The following PPARG variants were observed in gnomAD, a reference collection of about 807,000 sequenced individuals.
PPARG encodes peroxisome proliferator-activated receptor gamma.
Under a neutral mutation model 39.2 loss-of-function variants are expected in PPARG, and 17 were observed. The ratio of observed to expected loss-of-function variants is 0.43; its 90% CI spans 0.30 to 0.65. The LOEUF is 0.65. Among genes scored for constraint, PPARG ranks in the 30% least tolerant of loss-of-function variants. The pLI is 0.13. For synonymous variants in PPARG, 223 were observed against 215.7 expected (o/e 1.03, Z -0.30); for missense variants, 406 against 585.9 (o/e 0.69, Z 3.17).
At chr3:12,425,874 G>A (rs1372505135) in intron 7 of PPARG, among the ~76,000 whole-genome samples, 1 of 152,172 alleles carries the variant, frequency 6.6e-6, no homozygotes, top group African/African-American at 2.4e-5. Flanking sequence ...GGGTCGGACA[G>A]AAATCTCGGG....
chr3:12,304,218 G>C (rs959580425), intron 1 of PPARG, among the ~76,000 whole-genome samples: 1 of 152,168 alleles, frequency 6.6e-6, no homozygotes, highest in Non-Finnish European at 1.5e-5. Flanking sequence ...TCTTGCCCCC[G>C]TGATGTCATA....
At chr3:12,379,283 G>A (rs1365179614) in intron 2 of PPARG, among the ~76,000 whole-genome samples, 1 of 152,156 alleles carries the variant, frequency 6.6e-6, no homozygotes, top group African/African-American at 2.4e-5. Flanking sequence ...GGGATTACAG[G>A]TGTGAGCCAC....
At chr3:12,330,301 T>TAAAAAA (rs1302998459) in intron 2 of PPARG, among the ~76,000 whole-genome samples, 5 of 114,568 alleles carry the variant, frequency 4.4e-5, no homozygotes, top group African/African-American at 1.3e-4. Flanking sequence ...ACACCTTTTT[T>TAAAAAA]TAAAAAAAAA....
chr3:12,353,261 A>G (rs1269191021), intron 2 of PPARG, among the ~76,000 whole-genome samples: 1 of 152,204 alleles, frequency 6.6e-6, no homozygotes, highest in Non-Finnish European at 1.5e-5. Flanking sequence ...TATATTTTGT[A>G]CCAATAATTT....
chr3:12,351,405 C>G, intron 2 of PPARG: 1 of 633,732 alleles, frequency 1.6e-6, no homozygotes, highest in Non-Finnish European at 2.8e-6. Context: ...CAGTGCCAGC[C>G]AATTCAAGCC....
At chr3:12,320,212 A>G (rs1368819506) in intron 2 of PPARG, among the ~76,000 whole-genome samples, 1 of 152,222 alleles carries the variant, frequency 6.6e-6, no homozygotes, top group Non-Finnish European at 1.5e-5. Context: ...ATTTATGTAT[A>G]TATACGTGCA....
chr3:12,417,016 A>G lies in PPARG; in HGVS notation c.1042A>G (p.Arg348Gly), dbSNP rs2051084711. 1 of 1,613,502 alleles carries G rather than the reference A, an allele frequency of 6.2e-7. No homozygotes were observed. Among genetic ancestry groups the G allele is most frequent in the African/African-American group, 1.3e-5 (1 of 74,856 alleles). The change falls in exon 7 of 8, where the codon AGG becomes GGG. Residue 348 changes from arginine to glycine, a missense_variant. Around this residue, in one of 2 missense-constraint regions of PPARG, gnomAD observed 275 missense variants for 458.0 expected, o/e 0.60. Transcript: ENST00000651735. ...ATCCGAGGGCCAAGGCTTCATGACA[A>G]GGGAGTTTCTAAAGAGCCTGCGAAA... ...LISEGQGFMTREFLKSLRKPF... is the reference protein window; with the variant it reads ...LISEGQGFMTGEFLKSLRKPF...
In PPARG at chr3:12,307,010, A is replaced by C. The variant is rs545554310; in HGVS notation, c.-82-5370A>C. Among the ~76,000 whole-genome samples the C allele has an allele frequency of 2.8e-3, 417 of 147,370 alleles. 3 individuals carry two copies. Among genetic ancestry groups the C allele is most frequent in the African/African-American group, 9.6e-3 (384 of 39,916 alleles). ...CCATTAGGGAGGCTGAGGCAGGAGA[A>C]TGGCGTGAACCCGGGAGGCAGAGAT... On this transcript the variant is annotated intron_variant, in intron 1 of 7. Coordinates refer to ENST00000651735, the MANE Select transcript of PPARG (RefSeq NM_138711.6).
At chr3:12,289,264 T>C (rs911252642) in intron 1 of PPARG, 130 bp downstream of exon 1, 2 of 152,198 alleles carry the variant, frequency 1.3e-5, no homozygotes, top group Admixed American at 6.5e-5. Flanking sequence ...AGAATCCAAT[T>C]CACTTGGGTC....
In PPARG at chr3:12,335,020, A is replaced by C. The variant is rs867291651; in HGVS notation, c.-9+22567A>C. On this transcript the variant is annotated intron_variant, in intron 2 of 7. Transcript: ENST00000651735. ...CCCATCATAATGGATCCAGATTGCA[A>C]AATTGGGAGTAATAGAAATTACTGT... 1.4e-4 allele frequency among the ~76,000 whole-genome samples: 21 copies of C among 152,334 alleles called. No individual in the cohort carries two copies. The Middle Eastern group carries it at 0.017, about 123-fold the overall frequency.
chr3:12,296,254 CAA>C (rs545210244), intron 1 of PPARG, among the ~76,000 whole-genome samples: 8 of 48,624 alleles, frequency 1.6e-4, no homozygotes, highest in South Asian at 1.1e-3. Flanking sequence ...CACTTTGTCT[CAA>C]AAAAAAAAAA....
intron 1 of PPARG, among the ~76,000 whole-genome samples, chr3:12,310,458 C>CT (rs1204347882): frequency 0.19 from 13,038 of 69,854 alleles, 2,275 homozygotes; most frequent in South Asian, 0.46. Flanking sequence ...TATTTGAGCC[C>CT]TTTTTTTTTT....
At chr3:12,394,099 G>A (rs1020612976) in intron 5 of PPARG, among the ~76,000 whole-genome samples, 1 of 151,970 alleles carries the variant, frequency 6.6e-6, no homozygotes, top group Non-Finnish European at 1.5e-5. Flanking sequence ...AAAACATAAG[G>A]GCAAGCTTCC....
At chr3:12,344,080 C>G (rs1400383483) in intron 2 of PPARG, among the ~76,000 whole-genome samples, 1 of 151,786 alleles carries the variant, frequency 6.6e-6, no homozygotes, top group African/African-American at 2.4e-5. Flanking sequence ...AGGCTGGTCT[C>G]AAACTCCTGA....
At chr3:12,356,488 A>T (rs760712346) in intron 2 of PPARG, among the ~76,000 whole-genome samples, 2 of 152,198 alleles carry the variant, frequency 1.3e-5, no homozygotes, top group Non-Finnish European at 2.9e-5. Flanking sequence ...GCAGATTTAA[A>T]ACAGTCAACT....
chr3:12,333,747 CAGTT>C (rs1163287828), intron 2 of PPARG, among the ~76,000 whole-genome samples: 7 of 152,138 alleles, frequency 4.6e-5, no homozygotes, highest in African/African-American at 1.2e-4. Flanking sequence ...GTCATTTCGT[CAGTT>C]AGTCAGACAA....
At chr3:12,388,650 A>C (rs2049965020) in intron 4 of PPARG, among the ~76,000 whole-genome samples, 1 of 152,168 alleles carries the variant, frequency 6.6e-6, no homozygotes, top group Non-Finnish European at 1.5e-5. Context: ...GAAGCTAACC[A>C]TCTTGAATGA....
In PPARG at chr3:12,390,636, C is replaced by CTTTT. The variant is rs1382187854; in HGVS notation, c.391-1978_391-1977insTTTT. On this transcript the variant is annotated intron_variant, in intron 4 of 7. Transcript: ENST00000651735. ...GTATGTGATAAAGCTGTATTTTCTT[C>CTTTT]CTTTTTTTTTTTTTTTTTTTTTGAG... 1.1e-3 allele frequency among the ~76,000 whole-genome samples: 75 copies of CTTTT among 69,136 alleles called. 1 individual carries two copies. Among genetic ancestry groups the CTTTT allele is most frequent in the East Asian group, 7.2e-3 (20 of 2,776 alleles). 45.4% of individuals were successfully genotyped at this position (69,136 alleles called of 152,430 possible).
chr3:12,351,294 G>A (rs1327310221), intron 2 of PPARG, among the ~76,000 whole-genome samples: 1 of 152,178 alleles, frequency 6.6e-6, no homozygotes, highest in African/African-American at 2.4e-5. Context: ...GTGGGTCACC[G>A]GCGAGACAGT....
Sources: gnomAD v4.1 joint callset for allele counts (sites outside exome capture counted in the v4.1 genomes callset) on GRCh38, gnomAD v4.1.1 for gene constraint, gnomAD v4.1.1 regional missense constraint, MANE v1.5 for transcripts, NCBI Gene and HGNC (gene_info 2026-07-23, HGNC 2026-07-21) for gene names.